The following GLB1 variants were observed in gnomAD, a reference collection of about 807,000 sequenced individuals.
GLB1 encodes the protein beta-galactosidase.
A neutral mutation model predicts 74.0 loss-of-function variants in GLB1; 56 were observed. That is an observed-to-expected ratio of 0.76 (90% CI 0.61 to 0.94). The LOEUF is 0.94. Ranked by LOEUF, GLB1 falls within the 40% of genes least tolerant of loss-of-function variation. The pLI is 0.00. For synonymous variants in GLB1, 323 were observed against 323.6 expected (o/e 1.00, Z 0.02); for missense variants, 787 against 845.5 (o/e 0.93, Z 0.86).
chr3:32,986,683 C>T, the GLB1 span, among the ~76,000 whole-genome samples: 2 of 151,694 alleles, frequency 1.3e-5, no homozygotes, highest in Middle Eastern at 3.2e-3. Context: ...CTCTGCCTCC[C>T]GGGTTCACGT....
intron 5 of GLB1, among the ~76,000 whole-genome samples, chr3:33,060,951 T>C (rs1436709784): frequency 1.3e-5 from 2 of 151,988 alleles, no homozygotes; most frequent in Admixed American, 1.3e-4. Context: ...CAGCTAAGAC[T>C]CTACTCAAGT....
chr3:33,030,379 G>A (rs1697955489), intron 10 of GLB1, among the ~76,000 whole-genome samples: 1 of 152,202 alleles, frequency 6.6e-6, no homozygotes, highest in African/African-American at 2.4e-5. Flanking sequence ...AACTCTACAG[G>A]AAACGAAGAG....
chr3:32,977,413 G>A, the GLB1 span, among the ~76,000 whole-genome samples: 1,182 of 152,026 alleles, frequency 7.8e-3, 8 homozygotes, highest in Middle Eastern at 0.02. Flanking sequence ...TCACCATGTC[G>A]GCCAGGCTGG....
At chr3:33,057,906 T>C (rs763552204) in intron 6 of GLB1, among the ~76,000 whole-genome samples, 183 bp downstream of exon 6, 2 of 152,246 alleles carry the variant, frequency 1.3e-5, no homozygotes, top group African/African-American at 4.8e-5. Flanking sequence ...CTGGAAGCTC[T>C]TGGCCTACAG....
downstream of GLB1, among the ~76,000 whole-genome samples, chr3:32,993,328 G>C (rs941586241): frequency 1.3e-5 from 2 of 151,996 alleles, no homozygotes; most frequent in Non-Finnish European, 2.9e-5. Flanking sequence ...GAGAGGACAG[G>C]AGGGATGATA....
intron 15 of GLB1, among the ~76,000 whole-genome samples, chr3:33,008,633 G>A (rs907408752): frequency 6.6e-6 from 1 of 152,154 alleles, no homozygotes; most frequent in Non-Finnish European, 1.5e-5. Context: ...AAATCTGAGG[G>A]CTTCTGGAGG....
chr3:33,026,748 G>C (rs1436581008), intron 10 of GLB1, among the ~76,000 whole-genome samples: 2 of 152,086 alleles, frequency 1.3e-5, no homozygotes, highest in Admixed American at 6.5e-5. Context: ...TATCCTCTCT[G>C]CTGAGAGGAT....
chr3:32,996,800 A>T lies in GLB1; in HGVS notation c.*245T>A. The T allele has an allele frequency of 1.7e-6, 1 of 584,880 alleles. No homozygotes were observed. Among genetic ancestry groups the T allele is most frequent in the Non-Finnish European group, 2.9e-6 (1 of 341,944 alleles). The allele number at this position is 584,880 out of a possible 1,614,324, so 36.2% of individuals were successfully genotyped here. ...CAAAATAAAAATCACTACCACCTTT[A>T]AAGCTTCCATTCCAGCCCTGCAGAT... On this transcript the variant is annotated 3_prime_UTR_variant, in exon 16 of 16. Coordinates refer to ENST00000307363, the MANE Select transcript of GLB1 (RefSeq NM_000404.4).
At chr3:33,022,253 G>A (rs772913080) in intron 11 of GLB1, among the ~76,000 whole-genome samples, 3 of 152,066 alleles carry the variant, frequency 2.0e-5, no homozygotes, top group Non-Finnish European at 2.9e-5. Context: ...CATAGTAAAT[G>A]CCTGGTAAGT....
intron 5 of GLB1, among the ~76,000 whole-genome samples, chr3:33,059,155 G>A (rs576638776): frequency 1.3e-5 from 2 of 152,154 alleles, no homozygotes; most frequent in African/African-American, 4.8e-5. Context: ...TCTGAAGCAT[G>A]CATTCCCAGT....
At chr3:32,989,970 C>T in the GLB1 span, among the ~76,000 whole-genome samples, 1 of 152,134 alleles carries the variant, frequency 6.6e-6, no homozygotes, top group East Asian at 1.9e-4. Context: ...TTATTAAGCA[C>T]CATCAAAGTT....
At chr3:33,077,032 T>G (rs1393302613) in intron 1 of GLB1, 1 of 1,277,624 alleles carries the variant, frequency 7.8e-7, no homozygotes, top group Admixed American at 2.5e-5. Flanking sequence ...AAGACCAGTC[T>G]GGGGAACATG....
chr3:33,032,662 A>G (rs1360608079), intron 10 of GLB1, among the ~76,000 whole-genome samples: 1 of 152,102 alleles, frequency 6.6e-6, no homozygotes, highest in African/African-American at 2.4e-5. Context: ...GCCTCAAGTG[A>G]ACCTCCCACC....
Position 33,046,188 on chromosome 3 carries a change from C to T in GLB1, c.1000G>A (p.Asp334Asn). 1.2e-6 allele frequency: 2 copies of T among 1,614,028 alleles called. No homozygotes were observed. The highest frequency in any genetic ancestry group is 8.5e-7 in the Non-Finnish European group (1 of 1,180,000). ...TCCCCAGCCTCACTCAGTGGGGCAT[C>T]ATAGTCGTAGCTGGTGGGCTGTGCT... The part of the protein sequence containing the change: ...YAAQPTSYDY[D>N]APLSEAGDLT... Residue 334 changes from aspartate (D) to asparagine (N), a missense_variant, in exon 10 of 16, where the codon GAT (aspartate) becomes AAT (asparagine). Asp to Asn is a conservative substitution (Grantham distance 23). Transcript: ENST00000307363.
chr3:33,090,658 C>T, intron 1 of GLB1: 1 of 985,430 alleles, frequency 1.0e-6, no homozygotes, highest in Non-Finnish European at 1.2e-6. Flanking sequence ...AACAAAGGGA[C>T]TAAAGGTGTC....
At chr3:33,019,652 C>T (rs564355014) in intron 12 of GLB1, among the ~76,000 whole-genome samples, 25 of 152,284 alleles carry the variant, frequency 1.6e-4, no homozygotes, top group African/African-American at 5.8e-4. Context: ...GAACACCTCC[C>T]GCCCAGGCTC....
the GLB1 span, among the ~76,000 whole-genome samples, chr3:32,970,358 A>G: frequency 9.2e-5 from 14 of 152,098 alleles, no homozygotes; most frequent in African/African-American, 2.7e-4. Flanking sequence ...TATTTGCCCT[A>G]TGAGATTTTG....
chr3:33,028,876 AG>A (rs1302536784), intron 10 of GLB1, among the ~76,000 whole-genome samples: 1 of 152,130 alleles, frequency 6.6e-6, no homozygotes, highest in Non-Finnish European at 1.5e-5. Flanking sequence ...CATGTTGGTC[AG>A]GCTGGTCTCA....
intron 1 of GLB1, among the ~76,000 whole-genome samples, chr3:33,088,368 TACACACACAC>T (rs55949952): frequency 0.01 from 1,481 of 141,792 alleles, 22 homozygotes; most frequent in East Asian, 0.093. Context: ...CCCTAAAGAC[TACACACACAC>T]ACACACACAC....
Sources: allele counts gnomAD v4.1 joint callset (sites outside exome capture counted in the v4.1 genomes callset), GRCh38; gene constraint gnomAD v4.1.1; transcripts MANE v1.5; gene names NCBI Gene and HGNC (gene_info 2026-07-23, HGNC 2026-07-21).